Variants in FMN2 observed in about 807,000 individuals in gnomAD.
FMN2 encodes the protein formin 2.
In FMN2, 51 loss-of-function variants were observed where a neutral mutation model predicts 142.3. That is an observed-to-expected ratio of 0.36 (90% CI 0.29 to 0.45). FMN2 has a LOEUF of 0.45. Ranked by LOEUF, FMN2 falls within the 20% of genes least tolerant of loss-of-function variation. The pLI is 1.00. For missense variants in FMN2, 1,936 were observed against 2,122.8 expected (o/e 0.91, Z 1.73); for synonymous variants, 882 against 869.8 (o/e 1.01, Z -0.25).
intron 4 of FMN2, among the ~76,000 whole-genome samples, chr1:240,202,166 T>C (rs1333232335): frequency 6.6e-6 from 1 of 152,152 alleles, no homozygotes; most frequent in Middle Eastern, 3.2e-3. Flanking sequence ...TGTATTTCTG[T>C]AAACGGGAAG....
At chr1:240,241,546 G>A (rs1476427489) in intron 6 of FMN2, among the ~76,000 whole-genome samples, 1 of 151,918 alleles carries the variant, frequency 6.6e-6, no homozygotes, top group Non-Finnish European at 1.5e-5. Flanking sequence ...CTCTGGCTTT[G>A]GTCTTTCAGC....
At position 240,318,798 on chromosome 1, in the gene FMN2, A is replaced by G. The variant is rs74151616; in HGVS notation, c.4216-10278A>G. 9.8e-3 allele frequency among the ~76,000 whole-genome samples: 1,499 copies of G among 152,222 alleles called. 21 individuals are homozygous for G. Among genetic ancestry groups the G allele is most frequent in the African/African-American group, 0.034 (1,420 of 41,528 alleles). ...GTTGAGTTGAGAGATGGCGGTTTGGACAAGGATGGTGGCAGTGGAGGTGGA... is the reference window on the plus strand; with the variant it reads ...GTTGAGTTGAGAGATGGCGGTTTGGGCAAGGATGGTGGCAGTGGAGGTGGA... On this transcript the variant is annotated intron_variant, in intron 8 of 17. Coordinates refer to ENST00000319653, the MANE Select transcript of FMN2 (RefSeq NM_020066.5).
chr1:240,405,346 C>T (rs1279475267), intron 15 of FMN2, among the ~76,000 whole-genome samples: 1 of 152,182 alleles, frequency 6.6e-6, no homozygotes, highest in African/African-American at 2.4e-5. Flanking sequence ...AGGCCGGGCG[C>T]GGTGCCTCAC....
At chr1:240,396,198 T>A (rs557529645) in intron 15 of FMN2, among the ~76,000 whole-genome samples, 1 of 152,270 alleles carries the variant, frequency 6.6e-6, no homozygotes, top group South Asian at 2.1e-4. Context: ...TAAACATAAC[T>A]TTTATATGCA....
intron 8 of FMN2, among the ~76,000 whole-genome samples, chr1:240,298,438 T>C (rs1670069324): frequency 6.6e-6 from 1 of 152,222 alleles, no homozygotes; most frequent in African/African-American, 2.4e-5. Context: ...AAGTAGTATT[T>C]GGAACAGTTC....
chr1:240,170,987 A>G (rs1664680045), intron 2 of FMN2: 1 of 803,446 alleles, frequency 1.2e-6, no homozygotes, highest in East Asian at 2.4e-5. Context: ...AGGAATGTCA[A>G]GGTCGTGAGA....
chr1:240,432,383 C>T (rs1675207557), intron 15 of FMN2, among the ~76,000 whole-genome samples: 1 of 151,828 alleles, frequency 6.6e-6, no homozygotes, highest in African/African-American at 2.4e-5. Context: ...TTTGTATTTT[C>T]TCTCTTTTTT....
At chr1:240,355,952 A>C (rs761718839) in intron 14 of FMN2, 44 bp downstream of exon 14, 1 of 68,120 alleles carries the variant, frequency 1.5e-5, no homozygotes, top group Non-Finnish European at 2.2e-5. Context: ...CCCTTTCAGC[A>C]AAAAAAAAAA....
chr1:240,192,281 G>A (rs1665728573), intron 4 of FMN2, among the ~76,000 whole-genome samples: 1 of 152,082 alleles, frequency 6.6e-6, no homozygotes, highest in Admixed American at 6.5e-5. Context: ...GGATGGTCTT[G>A]GTTACTCAGA....
intron 16 of FMN2, among the ~76,000 whole-genome samples, chr1:240,465,280 A>C (rs920645995): frequency 9.7e-6 from 1 of 103,102 alleles, no homozygotes; most frequent in African/African-American, 4.7e-5. Context: ...TTTGTCTAGA[A>C]TCTCCACCAC....
At chr1:240,289,518 A>C (rs1358533111) in intron 7 of FMN2, among the ~76,000 whole-genome samples, 1 of 152,076 alleles carries the variant, frequency 6.6e-6, no homozygotes, top group Non-Finnish European at 1.5e-5. Flanking sequence ...AAAAATTAAA[A>C]AAATAGAAAT....
intron 15 of FMN2, among the ~76,000 whole-genome samples, chr1:240,401,537 C>T (rs892497652): frequency 6.6e-6 from 1 of 152,192 alleles, no homozygotes; most frequent in South Asian, 2.1e-4. Context: ...CTGTAACAGC[C>T]AGACACAATT....
At chr1:240,329,259 A>G in intron 9 of FMN2, 80 bp from the exon 10 acceptor site, 1 of 1,592,804 alleles carries the variant, frequency 6.3e-7, no homozygotes, top group Non-Finnish European at 8.6e-7. Flanking sequence ...TTCAGTGCAT[A>G]CTTGTTGTGA....
At chr1:240,274,667 A>G (rs1245512831) in intron 7 of FMN2, among the ~76,000 whole-genome samples, 1 of 152,082 alleles carries the variant, frequency 6.6e-6, no homozygotes, top group African/African-American at 2.4e-5. Context: ...AGGCAAGAAG[A>G]GCAGTGAGGA....
At chr1:240,406,315 TC>T (rs1674194988) in intron 15 of FMN2, among the ~76,000 whole-genome samples, 1 of 45,464 alleles carries the variant, frequency 2.2e-5, no homozygotes, top group Non-Finnish European at 4.4e-5. Context: ...GGAAGCAGCC[TC>T]GGGAGTGGGG....
chr1:240,395,348 A>G (rs951807422), intron 15 of FMN2, among the ~76,000 whole-genome samples: 5 of 152,194 alleles, frequency 3.3e-5, no homozygotes, highest in Admixed American at 2.0e-4. Context: ...CACAGCATTC[A>G]TTTTGTAGCT....
chr1:240,408,091 C>T (rs1406636226), intron 15 of FMN2, among the ~76,000 whole-genome samples: 1 of 152,160 alleles, frequency 6.6e-6, no homozygotes, highest in East Asian at 1.9e-4. Context: ...AAAATATATT[C>T]TTACAAAATA....
intron 14 of FMN2, among the ~76,000 whole-genome samples, chr1:240,372,161 G>T (rs574458110): frequency 6.6e-6 from 1 of 152,202 alleles, no homozygotes; most frequent in African/African-American, 2.4e-5. Context: ...GCTTGAACCT[G>T]GGAGGCAGAG....
At chr1:240,097,468 G>A (rs906110752) in intron 1 of FMN2, among the ~76,000 whole-genome samples, 5 of 151,090 alleles carry the variant, frequency 3.3e-5, no homozygotes, top group Non-Finnish European at 1.5e-5. Flanking sequence ...CCATTCTCCT[G>A]CCTCAGCCTC....
Sources: allele counts gnomAD v4.1 joint callset (sites outside exome capture counted in the v4.1 genomes callset), GRCh38; gene constraint gnomAD v4.1.1; transcripts MANE v1.5; gene names NCBI Gene and HGNC (gene_info 2026-07-23, HGNC 2026-07-21).